AGO2: variants seen among roughly 807,000 people sequenced by gnomAD.
AGO2 encodes the protein protein argonaute-2.
In AGO2, 5 loss-of-function variants were observed where a neutral mutation model predicts 102.3. The observed-to-expected ratio is 0.05, with a 90% CI of 0.03 to 0.10. AGO2 has a LOEUF of 0.10. AGO2 is among the 10% of genes least tolerant of loss of function. The pLI is 1.00. For synonymous variants in AGO2, 449 were observed against 473.1 expected (o/e 0.95, Z 0.66); for missense variants, 541 against 1,183.7 (o/e 0.46, Z 7.97).
chr8:140,611,609 T>A (rs1463203409), intron 1 of AGO2, among the ~76,000 whole-genome samples: 3 of 152,064 alleles, frequency 2.0e-5, no homozygotes, highest in African/African-American at 7.2e-5. Context: ...ATTACAGGCG[T>A]GAGCCACTGT....
At chr8:140,597,031 T>A (rs1219452524) in intron 1 of AGO2, among the ~76,000 whole-genome samples, 2 of 152,152 alleles carry the variant, frequency 1.3e-5, no homozygotes, top group Admixed American at 6.5e-5. Context: ...GAACATGTTG[T>A]TTGAAATAGA....
chr8:140,558,607 C>T, intron 6 of AGO2, 35 bp from the exon 7 acceptor site: 1 of 1,603,818 alleles, frequency 6.2e-7, no homozygotes. Context: ...GGCATCGGGG[C>T]TGTCCCGACC....
rs986217736 is a variant in AGO2 at position 140,567,871 on chromosome 8, T to C, written c.336+4941A>G. 6.6e-6 allele frequency among the ~76,000 whole-genome samples: 1 copy of C among 152,142 alleles called. No homozygotes were observed. The highest frequency in any genetic ancestry group is 2.4e-5 in the African/African-American group (1 of 41,442). ...GCCAGCCTGGGGCTCACGCCTGTAA[T>C]CCCAGTACCGTGGGAGGCCGAGGCG... is the stretch of plus-strand genomic sequence containing the variant. On this transcript the variant is annotated intron_variant, in intron 3 of 18. Transcript: ENST00000220592. The surrounding 1 kb of genome is among the most constrained non-coding windows in gnomAD (Gnocchi z 5.0).
intron 2 of AGO2, among the ~76,000 whole-genome samples, chr8:140,575,464 G>A (rs763548467): frequency 6.6e-6 from 1 of 152,180 alleles, no homozygotes. Context: ...ACCTTCGGAG[G>A]CCCTCATCTC....
At chr8:140,612,220 CAAAAAAAAAAAAAAAAAAAAAAAAA>C (rs542472147) in intron 1 of AGO2, among the ~76,000 whole-genome samples, 3 of 95,946 alleles carry the variant, frequency 3.1e-5, no homozygotes, top group Middle Eastern at 5.3e-3. Context: ...GACTCTGTCT[CAAAAAAAAAAAAAAAAAAAAAAAAA>C]AAAAAAAAAA....
intron 1 of AGO2, among the ~76,000 whole-genome samples, chr8:140,617,998 A>C (rs1361343877): frequency 2.0e-5 from 3 of 147,540 alleles, no homozygotes; most frequent in Non-Finnish European, 4.5e-5. Flanking sequence ...ACAGAGTGAG[A>C]CCGTCTACAA....
In AGO2 at chr8:140,585,789, C is replaced by T. The variant is rs28539494; in HGVS notation, c.23-478G>A. Among the ~76,000 whole-genome samples, 663 of 152,196 alleles carry T rather than the reference C, an allele frequency of 4.4e-3. 6 individuals are homozygous for T. Among genetic ancestry groups the T allele is most frequent in the African/African-American group, 0.015 (624 of 41,544 alleles). The stretch of plus-strand genomic sequence containing the variant: ...AAATAAACATTTTTCAATAATAGAA[C>T]GCTTTCAATTTTCACTCAAATGTCT... On this transcript the variant is annotated intron_variant, in intron 1 of 18. Transcript: ENST00000220592.
At chr8:140,571,859 C>A (rs1436253106) in intron 3 of AGO2, among the ~76,000 whole-genome samples, 1 of 152,184 alleles carries the variant, frequency 6.6e-6, no homozygotes, top group African/African-American at 2.4e-5. Flanking sequence ...GATTTTCCTG[C>A]CTTAGCTTCC....
rs549763757 is a variant in AGO2 at position 140,530,696 on chromosome 8, G to A, written c.*1348C>T. The A allele has an allele frequency of 6.6e-6, 1 of 152,424 alleles. No individual in the cohort carries two copies. The highest frequency in any genetic ancestry group is 2.4e-5 in the African/African-American group (1 of 41,584). 9.4% of individuals were successfully genotyped at this position (152,424 alleles called of 1,614,324 possible). A position where few individuals can be genotyped will look rare whatever the true frequency, so the allele number is the denominator to read the frequency against. On this transcript the variant is annotated 3_prime_UTR_variant, in exon 19 of 19. Coordinates refer to ENST00000220592, the MANE Select transcript of AGO2 (RefSeq NM_012154.5). ...GGCCCTGCTATCCTTGGGCCTCCCA[G>A]GGCCAGGCAAGCTCCTTCGCTGTGA...
At chr8:140,603,478 G>A (rs1342881283) in intron 1 of AGO2, among the ~76,000 whole-genome samples, 1 of 152,112 alleles carries the variant, frequency 6.6e-6, no homozygotes, top group African/African-American at 2.4e-5. Flanking sequence ...CCAATTCCTG[G>A]GCACCTTCGT....
intron 8 of AGO2, 39 bp from the exon 9 acceptor site, chr8:140,556,325 C>G (rs200206760): frequency 1.3e-5 from 21 of 1,609,042 alleles, no homozygotes; most frequent in Non-Finnish European, 1.7e-5. Context: ...CAGTGCCGCA[C>G]TGGAGTGACC....
chr8:140,520,705 A>G lies in AGO2; in HGVS notation c.*11339T>C, dbSNP rs1299071744. ...TTCTGAGGTCTGTGTTGGGGGAAAA[A>G]AAAAAAGGTGACATGATTTTTAACC... On this transcript the variant is annotated 3_prime_UTR_variant, in exon 19 of 19. Transcript: ENST00000220592. 1.3e-5 allele frequency: 2 copies of G among 151,416 alleles called. No individual in the cohort carries two copies. The highest frequency in any genetic ancestry group is 2.4e-5 in the African/African-American group (1 of 41,162). 9.4% of individuals were successfully genotyped at this position (151,416 alleles called of 1,614,324 possible). A position where few individuals can be genotyped will look rare whatever the true frequency, so the allele number is the denominator to read the frequency against.
Position 140,585,249 on chromosome 8 carries a change from G to T in AGO2, c.85C>A (p.Pro29Thr), listed in dbSNP as rs1475129255. The change falls in exon 2 of 19, where the codon CCC becomes ACC. Residue 29 changes from proline (P) to threonine (T), a missense_variant. Transcript: ENST00000220592. ...GTTCTCCCGGAGGTCCCAAAGTCGG[G>T]TCTAGGTGGAGGCTTGAAGGCATAT... ...QGYAFKPPPR[P>T]DFGTSGRTIK... The T allele has an allele frequency of 1.9e-6, 3 of 1,614,174 alleles. No homozygotes were observed. The highest frequency in any genetic ancestry group is 2.5e-6 in the Non-Finnish European group (3 of 1,180,022).
At chr8:140,583,712 A>G (rs2073596682) in intron 2 of AGO2, among the ~76,000 whole-genome samples, 1 of 151,752 alleles carries the variant, frequency 6.6e-6, no homozygotes, top group South Asian at 2.1e-4. Context: ...TGTCTCTACT[A>G]AAAATACAAA....
At chr8:140,583,576 C>T (rs1017171654) in intron 2 of AGO2, among the ~76,000 whole-genome samples, 5 of 152,146 alleles carry the variant, frequency 3.3e-5, no homozygotes, top group Non-Finnish European at 7.4e-5. Context: ...AGGATGTGTA[C>T]ATCTACATAT....
In AGO2 at chr8:140,549,203, C is replaced by T. The variant is rs1306635154; in HGVS notation, c.1499G>A (p.Ser500Asn). 2 of 1,613,724 alleles carry T rather than the reference C, an allele frequency of 1.2e-6. No individual in the cohort carries two copies. The highest frequency in any genetic ancestry group is 1.7e-6 in the Non-Finnish European group (2 of 1,179,966). ...CFCKYAQGAD[S>N]VEPMFRHLKN... is the part of the protein sequence containing the mutation. ...CAGGTGCCGGAACATGGGCTCCACG[C>T]TGTCCGCCCCCTGCGCGTATTTGCA... Residue 500 changes from serine (S) to asparagine (N), a missense_variant, in exon 12 of 19, where the codon AGC becomes AAC. Around this residue, in one of 6 missense-constraint regions of AGO2, gnomAD observed 309 missense variants for 735.1 expected, o/e 0.42. Coordinates refer to ENST00000220592, the MANE Select transcript of AGO2 (RefSeq NM_012154.5).
rs2072419960 is a variant in AGO2 at position 140,521,773 on chromosome 8, G to C, written c.*10271C>G. ...TTAGCACCTCCACCAGGTAGGTCAGGAGAGATGAAATCGACAACAGTCCGT... is the reference window on the plus strand; with the variant it reads ...TTAGCACCTCCACCAGGTAGGTCAGCAGAGATGAAATCGACAACAGTCCGT... On this transcript the variant is annotated 3_prime_UTR_variant, in exon 19 of 19. Coordinates refer to ENST00000220592, the MANE Select transcript of AGO2 (RefSeq NM_012154.5). 2 of 152,242 alleles carry C rather than the reference G, an allele frequency of 1.3e-5. No homozygotes were observed. Among genetic ancestry groups the C allele is most frequent in the South Asian group, 4.1e-4 (2 of 4,836 alleles). 9.4% of individuals were successfully genotyped at this position (152,242 alleles called of 1,614,324 possible).
intron 1 of AGO2, among the ~76,000 whole-genome samples, chr8:140,604,069 A>G (rs2073963455): frequency 6.6e-6 from 1 of 152,230 alleles, no homozygotes; most frequent in Admixed American, 6.5e-5. Flanking sequence ...GCCTCTGACC[A>G]GATGTCCCTC....
At chr8:140,607,556 C>T (rs867617538) in intron 1 of AGO2, among the ~76,000 whole-genome samples, 2 of 145,294 alleles carry the variant, frequency 1.4e-5, no homozygotes, top group Admixed American at 6.9e-5. Context: ...ATGTCACTGA[C>T]GAATGGATAA....
Sources: gnomAD v4.1 joint callset for allele counts (sites outside exome capture counted in the v4.1 genomes callset) on GRCh38, gnomAD v4.1.1 for gene constraint, gnomAD v4.1.1 regional missense constraint, Gnocchi (gnomAD v3.1) non-coding constraint, MANE v1.5 for transcripts, NCBI Gene and HGNC (gene_info 2026-07-23, HGNC 2026-07-21) for gene names.